The following CRLS1 variants were observed in gnomAD, a reference collection of about 807,000 sequenced individuals.
CRLS1 encodes the protein cardiolipin synthase (CMP-forming).
CRLS1 carries 24 observed loss-of-function variants against 37.0 expected under a neutral mutation model. That is an observed-to-expected ratio of 0.65 (90% confidence interval 0.47 to 0.91). The LOEUF is 0.91. Among genes scored for constraint, CRLS1 ranks in the 40% least tolerant of loss-of-function variants. The pLI is 0.00. For missense variants in CRLS1, 373 were observed against 395.8 expected (o/e 0.94, Z 0.49); for synonymous variants, 135 against 159.7 (o/e 0.85, Z 1.17).
chr20:6,006,286 CT>C lies in CRLS1; in HGVS notation c.41del (p.Leu14ArgfsTer102). The C allele has an allele frequency of 7.8e-7, 1 of 1,284,554 alleles. No homozygotes were observed. Among genetic ancestry groups the C allele is most frequent in the African/African-American group, 1.5e-5 (1 of 64,816 alleles). 79.6% of individuals were successfully genotyped at this position (1,284,554 alleles called of 1,614,324 possible). ...LRVARGSWGA[L>X]RGAAWAPGTR... ...CGTGGCGCGCGGCTCGTGGGGGGCC[CT>C]GCGCGGCGCCGCTTGGGCTCCGGGA... On this transcript the variant is annotated frameshift_variant, in exon 1 of 7. Coordinates refer to ENST00000378863, the MANE Select transcript of CRLS1 (RefSeq NM_019095.6).
intron 2 of CRLS1, among the ~76,000 whole-genome samples, chr20:6,012,944 G>A (rs1259864985): frequency 2.0e-5 from 3 of 152,162 alleles, no homozygotes; most frequent in Non-Finnish European, 4.4e-5. Context: ...CTCTAAAAAT[G>A]CGGAGTTCCT....
At chr20:6,034,591 A>C in intron 6 of CRLS1, 36 bp downstream of exon 6, 1 of 1,426,814 alleles carries the variant, frequency 7.0e-7, no homozygotes, top group Non-Finnish European at 9.8e-7. Context: ...TTAGAATGTC[A>C]ACAGAATGAC....
intron 3 of CRLS1, chr20:6,015,910 A>C (rs1440484572): frequency 4.6e-6 from 1 of 218,772 alleles, no homozygotes; most frequent in Non-Finnish European, 9.3e-6. Flanking sequence ...ATAAAATTTC[A>C]CATTATGTAG....
chr20:6,006,171 A>G lies in CRLS1; in HGVS notation c.-76A>G. The G allele has an allele frequency of 2.3e-6, 2 of 863,708 alleles. No homozygotes were observed. The highest frequency in any genetic ancestry group is 7.2e-5 in the East Asian group (2 of 27,626). 53.5% of individuals were successfully genotyped at this position (863,708 alleles called of 1,614,324 possible). On this transcript the variant is annotated 5_prime_UTR_variant, in exon 1 of 7. It removes an upstream start codon present in the reference 5' UTR. Transcript: ENST00000378863. ...GTGTCTGAGTGGTTGCCGGGTCTCC[A>G]TGGAGAAGCGGCTCGCCAGTGTCCC...
At chr20:6,036,100 C>T (rs945467208) in intron 6 of CRLS1, among the ~76,000 whole-genome samples, 1 of 152,020 alleles carries the variant, frequency 6.6e-6, no homozygotes, top group Non-Finnish European at 1.5e-5. Context: ...CCACTGTGCC[C>T]AGCCACTAAT....
intron 3 of CRLS1, among the ~76,000 whole-genome samples, chr20:6,027,135 G>T (rs1979772632): frequency 6.9e-6 from 1 of 145,100 alleles, no homozygotes; most frequent in South Asian, 2.2e-4. Context: ...CTAGGCTGGT[G>T]TGCAATGGCG....
At chr20:6,021,089 C>T (rs1323503256) in intron 3 of CRLS1, among the ~76,000 whole-genome samples, 19 of 127,834 alleles carry the variant, frequency 1.5e-4, no homozygotes, top group Non-Finnish European at 2.1e-4. Context: ...TTTTTTGAGA[C>T]GGAGTCTCGC....
Position 6,037,758 on chromosome 20 carries a change from A to G in CRLS1, c.*600A>G, listed in dbSNP as rs914307663. 1.3e-5 allele frequency: 2 copies of G among 152,224 alleles called. No homozygotes were observed. Among genetic ancestry groups the G allele is most frequent in the African/African-American group, 4.8e-5 (2 of 41,454 alleles). 9.4% of individuals were successfully genotyped at this position (152,224 alleles called of 1,614,324 possible). On this transcript the variant is annotated 3_prime_UTR_variant, in exon 7 of 7. Coordinates refer to ENST00000378863, the MANE Select transcript of CRLS1 (RefSeq NM_019095.6). ...AGAAGGTATGAAGTTCATTTTCGGT[A>G]GTCTTCCAACCTCTCAGGTGCCTAA...
intron 3 of CRLS1, among the ~76,000 whole-genome samples, chr20:6,020,648 A>G (rs879217985): frequency 3.4e-5 from 5 of 149,182 alleles, no homozygotes; most frequent in Admixed American, 2.0e-4. Flanking sequence ...TTTGAGACGG[A>G]GTCTTGCTCT....
intron 5 of CRLS1, among the ~76,000 whole-genome samples, chr20:6,032,326 C>T (rs1333576380): frequency 6.6e-6 from 1 of 150,754 alleles, no homozygotes; most frequent in East Asian, 1.9e-4. Context: ...GTAATCGGGC[C>T]ACTGTTTAGG....
intron 2 of CRLS1, among the ~76,000 whole-genome samples, chr20:6,012,085 G>A (rs1600352250): frequency 6.6e-6 from 1 of 150,984 alleles, no homozygotes; most frequent in Middle Eastern, 3.4e-3. Context: ...TTGAATGTTA[G>A]AGAGGCCCCA....
intron 3 of CRLS1, among the ~76,000 whole-genome samples, chr20:6,016,966 A>G (rs1978806395): frequency 1.3e-5 from 2 of 151,920 alleles, no homozygotes; most frequent in South Asian, 4.2e-4. Context: ...AGTAGGCATC[A>G]CTTTTTTTTA....
At chr20:6,026,862 C>T (rs1346792413) in intron 3 of CRLS1, among the ~76,000 whole-genome samples, 1 of 152,146 alleles carries the variant, frequency 6.6e-6, no homozygotes, top group Non-Finnish European at 1.5e-5. Context: ...ATCCCTATTG[C>T]ACTCCAGTGC....
chr20:6,031,414 T>C, intron 4 of CRLS1, 44 bp downstream of exon 4: 1 of 1,427,522 alleles, frequency 7.0e-7, no homozygotes, highest in Non-Finnish European at 9.6e-7. Context: ...TTATATATGA[T>C]TTAAGGAAAA....
intron 4 of CRLS1, among the ~76,000 whole-genome samples, chr20:6,031,652 A>G (rs1202859028): frequency 2.0e-5 from 3 of 152,214 alleles, no homozygotes; most frequent in Non-Finnish European, 4.4e-5. Flanking sequence ...AGGCTCTATA[A>G]ATACTTGAAC....
rs1177346757 is a variant in CRLS1, at chr20:6,006,230, G to C, written c.-17G>C. On this transcript the variant is annotated 5_prime_UTR_variant, in exon 1 of 7. Coordinates refer to ENST00000378863, the MANE Select transcript of CRLS1 (RefSeq NM_019095.6). ...GAGCTCTCGCCGCCCGAGACCCCGCGGCGCGGCCGCAGGGCCATGCTAGCC... is the reference window on the plus strand; with the variant it reads ...GAGCTCTCGCCGCCCGAGACCCCGCCGCGCGGCCGCAGGGCCATGCTAGCC... 1.6e-6 allele frequency: 2 copies of C among 1,220,044 alleles called. No individual in the cohort carries two copies. The highest frequency in any genetic ancestry group is 4.3e-5 in the Admixed American group (1 of 23,108). 75.6% of individuals were successfully genotyped at this position (1,220,044 alleles called of 1,614,324 possible). A position where few individuals can be genotyped will look rare whatever the true frequency, so the allele number is the denominator to read the frequency against.
rs1373349415 is a variant in CRLS1 at position 6,031,969 on chromosome 20, A to T, written c.661-43A>T. Reference sequence around the variant, plus strand: ...CTATTTTAAATAAAAATGTTATTTTAAACAATAAGTTAATTACTTTATCTT... The same window carrying T: ...CTATTTTAAATAAAAATGTTATTTTTAACAATAAGTTAATTACTTTATCTT... On this transcript the variant is annotated intron_variant, in intron 4 of 6. Coordinates refer to ENST00000378863, the MANE Select transcript of CRLS1 (RefSeq NM_019095.6). 6 of 1,429,526 alleles carry T rather than the reference A, an allele frequency of 4.2e-6. No homozygotes were observed. The Admixed American group carries it at 1.1e-4, about 25-fold the overall frequency. 88.6% of individuals were successfully genotyped at this position (1,429,526 alleles called of 1,614,324 possible).
intron 2 of CRLS1, among the ~76,000 whole-genome samples, chr20:6,012,359 T>C (rs1978390330): frequency 6.6e-6 from 1 of 152,102 alleles, no homozygotes; most frequent in Non-Finnish European, 1.5e-5. Context: ...AGTAACTGGT[T>C]AGGGGCTGGC....
intron 2 of CRLS1, among the ~76,000 whole-genome samples, 164 bp from the exon 3 acceptor site, chr20:6,015,197 T>C (rs1024963602): frequency 2.0e-5 from 3 of 152,182 alleles, no homozygotes; most frequent in Admixed American, 6.5e-5. Flanking sequence ...AAGCGAAATG[T>C]ATACCAGCAA....
Sources: allele counts gnomAD v4.1 joint callset (sites outside exome capture counted in the v4.1 genomes callset), GRCh38; gene constraint gnomAD v4.1.1; transcripts MANE v1.5; gene names NCBI Gene and HGNC (gene_info 2026-07-23, HGNC 2026-07-21).